Variants in HS6ST2 observed in about 807,000 individuals in gnomAD.
HS6ST2 encodes the protein heparan sulfate 6-O-sulfotransferase 2.
Under a neutral mutation model 33.0 loss-of-function variants are expected in HS6ST2, and 17 were observed. That is an observed-to-expected ratio of 0.52 (90% CI 0.35 to 0.77). The LOEUF is 0.77. Ranked by LOEUF, HS6ST2 falls within the 30% of genes least tolerant of loss-of-function variation. The pLI is 0.01. For synonymous variants in HS6ST2, 248 were observed against 237.1 expected, an observed-to-expected ratio of 1.05 and a Z score of -0.42; for missense variants, 519 against 551.7, an observed-to-expected ratio of 0.94 and a Z score of 0.59.
At position 132,834,427 on chromosome X, in the gene HS6ST2, G is replaced by A. The variant is rs771034498; in HGVS notation, c.947+122381C>T. On this transcript the variant is annotated intron_variant, in intron 2 of 4. Coordinates refer to ENST00000370833, the MANE Select transcript of HS6ST2 (RefSeq NM_001394073.1). ...CTAAAAGAGCTTATTGTTATTCCGC[G>A]GCTTAAAGAAAAATGCCTCTGCTTT... Among the ~76,000 whole-genome samples, 18 of 111,381 alleles carry A rather than the reference G, an allele frequency of 1.6e-4. No individual in the cohort carries two copies. In the South Asian group the frequency reaches 6.6e-3, roughly 41 times the overall value.
chrX:132,637,277 T>C (rs1372210775), intron 4 of HS6ST2, among the ~76,000 whole-genome samples: 1 of 111,545 alleles, frequency 9.0e-6, no homozygotes, highest in Non-Finnish European at 1.9e-5. Context: ...ATACACACAG[T>C]TGAGTTTGAG....
chrX:132,628,671 G>A lies in HS6ST2; in HGVS notation c.1490C>T (p.Thr497Ile). Residue 497 changes from threonine to isoleucine, a missense_variant, in exon 5 of 5, where the codon ACC (threonine) becomes ATC (isoleucine). Coordinates refer to ENST00000370833, the MANE Select transcript of HS6ST2 (RefSeq NM_001394073.1). The stretch of plus-strand genomic sequence containing the variant: ...AGAGGCCCTAGTGGTATTATACTGG[G>A]TAAATGGCGAAATAAAGTTCATGTT... Reference protein sequence around the residue: ...TFNMNFISPFTQYNTTRASSV... With the variant: ...TFNMNFISPFIQYNTTRASSV... The A allele has an allele frequency of 8.3e-7, 1 of 1,211,217 alleles. No individual in the cohort carries two copies. Among genetic ancestry groups the A allele is most frequent in the African/African-American group, 1.7e-5 (1 of 57,707 alleles).
chrX:132,839,293 TATATATATATATATATATATATAC>T (rs764101156), intron 2 of HS6ST2, among the ~76,000 whole-genome samples: 5,792 of 65,707 alleles, frequency 0.088, 196 homozygotes, highest in Non-Finnish European at 0.11. Context: ...TATATATATA[TATATATATATATATATATATATAC>T]ACACACATGT....
intron 4 of HS6ST2, among the ~76,000 whole-genome samples, chrX:132,646,006 G>A (rs1465231123): frequency 2.7e-5 from 3 of 112,176 alleles, no homozygotes; most frequent in African/African-American, 9.7e-5. Context: ...AGGTCACACA[G>A]CCAGTAAGTC....
intron 2 of HS6ST2, among the ~76,000 whole-genome samples, chrX:132,746,610 C>T (rs2064647404): frequency 8.9e-6 from 1 of 112,323 alleles, no homozygotes; most frequent in Non-Finnish European, 1.9e-5. Context: ...CAGCCAATCC[C>T]CACCTCACTC....
intron 2 of HS6ST2, among the ~76,000 whole-genome samples, chrX:132,938,137 G>GT (rs1378908113): frequency 1.9e-5 from 2 of 105,417 alleles, no homozygotes; most frequent in Non-Finnish European, 3.9e-5. Flanking sequence ...ACTCCACCCT[G>GT]GGCAACAAAG....
chrX:132,771,307 A>C (rs1385063472), intron 2 of HS6ST2, among the ~76,000 whole-genome samples: 1 of 111,854 alleles, frequency 8.9e-6, no homozygotes, highest in Non-Finnish European at 1.9e-5. Flanking sequence ...TATTTTATGG[A>C]TGTTTAACTT....
intron 3 of HS6ST2, among the ~76,000 whole-genome samples, chrX:132,672,582 C>T (rs1378593109): frequency 1.8e-5 from 2 of 111,665 alleles, no homozygotes; most frequent in African/African-American, 6.5e-5. Flanking sequence ...TCATTAAAGG[C>T]CTGTGAAAAC....
intron 2 of HS6ST2, among the ~76,000 whole-genome samples, chrX:132,926,886 G>A (rs946589285): frequency 1.8e-5 from 2 of 111,647 alleles, no homozygotes; most frequent in African/African-American, 3.3e-5. Context: ...TCGCACCAAT[G>A]CACTCCAGCT....
intron 2 of HS6ST2, among the ~76,000 whole-genome samples, chrX:132,789,470 C>T (rs1298272088): frequency 9.0e-6 from 1 of 111,462 alleles, no homozygotes; most frequent in African/African-American, 3.3e-5. Context: ...TGGAGATCTA[C>T]ACAGAGCTCT....
intron 2 of HS6ST2, among the ~76,000 whole-genome samples, chrX:132,853,630 C>A (rs2065825881): frequency 9.0e-6 from 1 of 111,116 alleles, no homozygotes; most frequent in Non-Finnish European, 1.9e-5. Flanking sequence ...TACATCAAGC[C>A]CTACATTATG....
At chrX:132,884,744 A>T (rs774167866) in intron 2 of HS6ST2, among the ~76,000 whole-genome samples, 1 of 111,558 alleles carries the variant, frequency 9.0e-6, no homozygotes, top group African/African-American at 3.3e-5. Context: ...GGGATCAAAC[A>T]TATCAGATCA....
At position 132,643,502 on chromosome X, in the gene HS6ST2, A is replaced by G. The variant is rs949736396; in HGVS notation, c.1068-14409T>C. ...TGAAAGTGACAAACTCATATTTTTC[A>G]TAGAGTAGATGGTTTGGCAGACCTC... On this transcript the variant is annotated intron_variant, in intron 4 of 4. Coordinates refer to ENST00000370833, the MANE Select transcript of HS6ST2 (RefSeq NM_001394073.1). 2.7e-5 allele frequency among the ~76,000 whole-genome samples: 3 copies of G among 112,087 alleles called. No homozygotes were observed. In the Admixed American group the frequency reaches 2.8e-4, roughly 11 times the overall value.
chrX:132,946,533 C>T (rs1291104722), intron 2 of HS6ST2, among the ~76,000 whole-genome samples: 4 of 111,295 alleles, frequency 3.6e-5, no homozygotes, highest in African/African-American at 6.5e-5. Context: ...AACCAAACAC[C>T]GCATGTTCTC....
chrX:132,839,820 CA>C (rs746222383), intron 2 of HS6ST2, among the ~76,000 whole-genome samples: 5 of 111,085 alleles, frequency 4.5e-5, no homozygotes, highest in African/African-American at 1.3e-4. Flanking sequence ...GTATCCTCTT[CA>C]AATTAGAACC....
intron 2 of HS6ST2, among the ~76,000 whole-genome samples, chrX:132,717,005 C>A (rs961463143): frequency 1.8e-5 from 2 of 112,647 alleles, no homozygotes; most frequent in Non-Finnish European, 3.7e-5. Flanking sequence ...CTGCTTCATT[C>A]ACATTTTTAC....
chrX:132,739,273 G>A (rs987730305), intron 2 of HS6ST2, among the ~76,000 whole-genome samples: 4 of 111,172 alleles, frequency 3.6e-5, no homozygotes, highest in African/African-American at 9.8e-5. Flanking sequence ...GGTAGTCACC[G>A]AGGGGATTTC....
At chrX:132,786,063 A>G (rs185369017) in intron 2 of HS6ST2, among the ~76,000 whole-genome samples, 24 of 112,011 alleles carry the variant, frequency 2.1e-4, no homozygotes, top group Admixed American at 3.8e-4. Context: ...TGTAAATGGG[A>G]ATCATAATAG....
intron 2 of HS6ST2, among the ~76,000 whole-genome samples, chrX:132,936,223 T>C (rs1306068693): frequency 9.0e-6 from 1 of 111,418 alleles, no homozygotes; most frequent in Admixed American, 9.6e-5. Flanking sequence ...ATAAACTGGA[T>C]AACTTGGAAA....
Sources: gnomAD v4.1 joint callset for allele counts (sites outside exome capture counted in the v4.1 genomes callset) on GRCh38, gnomAD v4.1.1 for gene constraint, MANE v1.5 for transcripts, NCBI Gene and HGNC (gene_info 2026-07-23, HGNC 2026-07-21) for gene names.